Variants in TAFA4 observed in about 807,000 individuals in gnomAD.
TAFA4 encodes chemokine-like protein TAFA-4.
Under a neutral mutation model 21.1 loss-of-function variants are expected in TAFA4, and 20 were observed. That is an observed-to-expected ratio of 0.95 (90% CI 0.67 to 1.38). The LOEUF is 1.38. TAFA4 is among the 40% of genes most tolerant of loss of function. The probability of loss-of-function intolerance (pLI) is 0.00; values close to 1 mark genes in which losing one functional copy is unlikely to be tolerated. For synonymous variants in TAFA4, 71 were observed against 67.4 expected (o/e 1.05, Z -0.26); for missense variants, 211 against 180.9 (o/e 1.17, Z -0.95).
At chr3:68,817,162 T>C (rs1032372596) in intron 3 of TAFA4, among the ~76,000 whole-genome samples, 1 of 152,242 alleles carries the variant, frequency 6.6e-6, no homozygotes, top group Non-Finnish European at 1.5e-5. Flanking sequence ...AATAAATTTA[T>C]GTAATATACT....
intron 1 of TAFA4, among the ~76,000 whole-genome samples, chr3:68,896,176 G>C (rs1339413206): frequency 6.6e-6 from 1 of 152,156 alleles, no homozygotes; most frequent in Non-Finnish European, 1.5e-5. Flanking sequence ...GGTATCCAGG[G>C]ACAGACCAGG....
intron 3 of TAFA4, among the ~76,000 whole-genome samples, chr3:68,765,784 A>T (rs1430395088): frequency 6.6e-6 from 1 of 152,132 alleles, no homozygotes; most frequent in Non-Finnish European, 1.5e-5. Context: ...TGGAGGATGG[A>T]AAGCAGGTGG....
chr3:68,850,450 G>C (rs764349007), intron 3 of TAFA4, among the ~76,000 whole-genome samples: 2 of 152,138 alleles, frequency 1.3e-5, no homozygotes, highest in Non-Finnish European at 2.9e-5. Flanking sequence ...TCTGGTTCCA[G>C]ATCTTAGAGG....
At chr3:68,740,873 A>C (rs1702335718) in intron 4 of TAFA4, among the ~76,000 whole-genome samples, 1 of 152,038 alleles carries the variant, frequency 6.6e-6, no homozygotes, top group Non-Finnish European at 1.5e-5. Flanking sequence ...GGAATATCTA[A>C]TTTTCCCAGC....
chr3:68,816,418 G>GA (rs1194444893), intron 3 of TAFA4, among the ~76,000 whole-genome samples: 2 of 152,064 alleles, frequency 1.3e-5, no homozygotes, highest in East Asian at 1.9e-4. Flanking sequence ...GTTTCCAGTT[G>GA]AAAAATCGTT....
chr3:68,846,281 T>A (rs1704791220), intron 3 of TAFA4, among the ~76,000 whole-genome samples: 1 of 151,908 alleles, frequency 6.6e-6, no homozygotes, highest in South Asian at 2.1e-4. Context: ...CAATCTCTGA[T>A]ATCCTTTCTT....
chr3:68,846,865 G>A (rs566705291), intron 3 of TAFA4, among the ~76,000 whole-genome samples: 1 of 152,274 alleles, frequency 6.6e-6, no homozygotes, highest in South Asian at 2.1e-4. Flanking sequence ...GAACAGCAAA[G>A]ATTGCTGCCT....
intron 1 of TAFA4, among the ~76,000 whole-genome samples, chr3:68,909,040 G>A (rs1355307759): frequency 6.6e-6 from 1 of 152,154 alleles, no homozygotes. Flanking sequence ...CTGAGGAACT[G>A]AATTTTTAGT....
At chr3:68,867,929 G>C (rs887246340) in intron 3 of TAFA4, among the ~76,000 whole-genome samples, 1 of 151,948 alleles carries the variant, frequency 6.6e-6, no homozygotes, top group Non-Finnish European at 1.5e-5. Context: ...CAGTAACAAA[G>C]GAAGAAAGAG....
chr3:68,819,208 T>C (rs2106859198), intron 3 of TAFA4, among the ~76,000 whole-genome samples: 1 of 149,704 alleles, frequency 6.7e-6, no homozygotes, highest in Non-Finnish European at 1.5e-5. Flanking sequence ...AGGCGGAGGT[T>C]GCAGTGAGCT....
intron 5 of TAFA4, among the ~76,000 whole-genome samples, chr3:68,736,516 G>T (rs1313767390): frequency 6.6e-6 from 1 of 152,072 alleles, no homozygotes; most frequent in Admixed American, 6.6e-5. Flanking sequence ...TTCTGACATA[G>T]CTGACTTACT....
At chr3:68,831,908 C>T (rs2106879852) in intron 3 of TAFA4, among the ~76,000 whole-genome samples, 1 of 152,200 alleles carries the variant, frequency 6.6e-6, no homozygotes, top group East Asian at 1.9e-4. Context: ...ATCTTGTCTT[C>T]TCACTTTATT....
intron 5 of TAFA4, 83 bp downstream of exon 5, chr3:68,738,992 T>A (rs1702294440): frequency 2.5e-6 from 4 of 1,571,030 alleles, no homozygotes; most frequent in Non-Finnish European, 2.6e-6. Context: ...AATAATGTGT[T>A]CTTGATGGCA....
At chr3:68,751,040 G>A (rs1005697689) in intron 4 of TAFA4, among the ~76,000 whole-genome samples, 3 of 152,212 alleles carry the variant, frequency 2.0e-5, no homozygotes, top group Non-Finnish European at 2.9e-5. Context: ...CAAGAGATTT[G>A]AAAGGAGAAT....
chr3:68,742,412 G>C (rs1702375329), intron 4 of TAFA4, among the ~76,000 whole-genome samples: 1 of 114,886 alleles, frequency 8.7e-6, no homozygotes, highest in Non-Finnish European at 1.9e-5. Flanking sequence ...TTCCTGACAG[G>C]TTTGACTCAA....
intron 3 of TAFA4, among the ~76,000 whole-genome samples, chr3:68,844,628 C>A (rs550160418): frequency 3.3e-5 from 5 of 152,170 alleles, no homozygotes; most frequent in South Asian, 2.1e-4. Context: ...GATTTTAGAT[C>A]TTTCCTACCT....
chr3:68,837,918 G>T (rs1214741865), intron 3 of TAFA4, among the ~76,000 whole-genome samples: 3 of 151,476 alleles, frequency 2.0e-5, no homozygotes, highest in Non-Finnish European at 4.4e-5. Flanking sequence ...TATATCTATG[G>T]TATACAACAT....
At chr3:68,777,027 AAT>A (rs1157679729) in intron 3 of TAFA4, among the ~76,000 whole-genome samples, 2 of 152,176 alleles carry the variant, frequency 1.3e-5, no homozygotes, top group Non-Finnish European at 2.9e-5. Flanking sequence ...AACTCAGCAC[AAT>A]AAGAAATAAT....
chr3:68,732,805 A>G lies in TAFA4; in HGVS notation c.*337T>C. The G allele has an allele frequency of 3.5e-6, 1 of 283,258 alleles. No individual in the cohort carries two copies. The highest frequency in any genetic ancestry group is 6.5e-6 in the Non-Finnish European group (1 of 152,918). The allele number at this position is 283,258 out of a possible 1,614,324, so 17.5% of individuals were successfully genotyped here. On this transcript the variant is annotated 3_prime_UTR_variant, in exon 6 of 6. Transcript: ENST00000295569. ...GGAACATACATCCAAGTTCTTTTGT[A>G]AAAGCAGAAAGAAAGTGAAGAATGA... is the stretch of plus-strand genomic sequence containing the variant.
Sources: gnomAD v4.1 joint callset for allele counts (sites outside exome capture counted in the v4.1 genomes callset) on GRCh38, gnomAD v4.1.1 for gene constraint, MANE v1.5 for transcripts, NCBI Gene and HGNC (gene_info 2026-07-23, HGNC 2026-07-21) for gene names.